Variants in GPR143 observed in about 807,000 individuals in gnomAD.
The protein encoded by GPR143 is G-protein coupled receptor 143.
A neutral mutation model predicts 27.6 loss-of-function variants in GPR143; 8 were observed. The ratio of observed to expected loss-of-function variants is 0.29; its 90% CI spans 0.17 to 0.52. The LOEUF is 0.52. GPR143 is among the 20% of genes least tolerant of loss of function. The pLI, the probability that GPR143 is intolerant of heterozygous loss-of-function variation, is 0.96. For missense variants in GPR143, 303 were observed against 343.1 expected (o/e 0.88, Z 0.92); for synonymous variants, 156 against 153.2 (o/e 1.02, Z -0.13).
intron 1 of GPR143, among the ~76,000 whole-genome samples, chrX:9,773,566 CT>C (rs2083561947): frequency 9.0e-6 from 1 of 111,385 alleles, no homozygotes; most frequent in Non-Finnish European, 1.9e-5. Context: ...ACAAAATTGA[CT>C]CTTCATTGAA....
chrX:9,754,930 C>T lies in GPR143; in HGVS notation c.455+4402G>A, dbSNP rs2083467081. On this transcript the variant is annotated intron_variant, in intron 3 of 8. Coordinates refer to ENST00000467482, the MANE Select transcript of GPR143 (RefSeq NM_000273.3). ...AGTTGTGTCAGACCTCCGACCTCTC[C>T]AACACTGAGGGATGCTCAGAGACAT... Among the ~76,000 whole-genome samples the T allele has an allele frequency of 3.6e-5, 4 of 112,026 alleles. No individual in the cohort carries two copies. In the South Asian group the frequency reaches 1.5e-3, roughly 42 times the overall value.
Position 9,731,797 on chromosome X carries a change from T to TG in GPR143, c.1121-5958dup, listed in dbSNP as rs375275363. Among the ~76,000 whole-genome samples the TG allele has an allele frequency of 5.5e-3, 376 of 68,833 alleles. 1 individual carries two copies. The highest frequency in any genetic ancestry group is 0.013 in the South Asian group (12 of 902). 59.8% of individuals were successfully genotyped at this position (68,833 alleles called of 115,157 possible). On this transcript the variant is annotated intron_variant, in intron 8 of 8. Transcript: ENST00000467482. ...GGGAATTGTGGGCAATATAAGGAAT[T>TG]GGGGGGGGGGGGAAGGAATTGTGGA...
chrX:9,759,981 C>T (rs1177030847), intron 2 of GPR143, among the ~76,000 whole-genome samples: 1 of 112,493 alleles, frequency 8.9e-6, no homozygotes, highest in African/African-American at 3.2e-5. Context: ...TCAAATCACT[C>T]ACCTGAGCAC....
At chrX:9,745,243 G>A (rs113851778) in intron 5 of GPR143, among the ~76,000 whole-genome samples, 2,635 of 113,080 alleles carry the variant, frequency 0.023, 81 homozygotes, top group African/African-American at 0.079. Flanking sequence ...GTGACAGAGC[G>A]AGACTCCGTC....
intron 5 of GPR143, 87 bp downstream of exon 5, chrX:9,745,957 T>G: frequency 1.7e-6 from 1 of 593,712 alleles, no homozygotes; most frequent in South Asian, 2.2e-5. Flanking sequence ...CCTGGAGAAT[T>G]CCAGGACAAC....
At chrX:9,728,182 A>C (rs1291403273) in intron 8 of GPR143, among the ~76,000 whole-genome samples, 1 of 111,226 alleles carries the variant, frequency 9.0e-6, no homozygotes, top group Non-Finnish European at 1.9e-5. Context: ...CTTGGTCACC[A>C]TAGTGTACCT....
chrX:9,742,898 G>A (rs1260768600), intron 6 of GPR143, among the ~76,000 whole-genome samples: 1 of 111,461 alleles, frequency 9.0e-6, no homozygotes, highest in Non-Finnish European at 1.9e-5. Flanking sequence ...CTTGAGGTCA[G>A]GAGTTTGAGA....
intron 3 of GPR143, among the ~76,000 whole-genome samples, chrX:9,754,365 G>C (rs182693560): frequency 7.2e-5 from 8 of 111,741 alleles, no homozygotes; most frequent in African/African-American, 2.6e-4. Context: ...GGCTGGGAGC[G>C]GGTGAGGGTT....
rs759639368 is a variant in GPR143, at chrX:9,739,699, C to T, written c.906G>A (p.Gln302=). ...WFIMGILNPA[Q]GFLLSLAFYG... ...AGAAGGCCAAAGACAAGAGAAATCC[C>T]TGGGCTGGATTCAGGATTCCCTGGA... Residue 302 remains glutamine (Q), a synonymous_variant, in exon 8 of 9, where the codon CAG becomes CAA. Transcript: ENST00000467482. The T allele has an allele frequency of 1.7e-6, 2 of 1,172,560 alleles. No homozygotes were observed. Among genetic ancestry groups the T allele is most frequent in the Non-Finnish European group, 1.1e-6 (1 of 870,524 alleles).
chrX:9,729,956 T>C (rs1160132640), intron 8 of GPR143, among the ~76,000 whole-genome samples: 2 of 112,481 alleles, frequency 1.8e-5, no homozygotes, highest in African/African-American at 6.5e-5. Context: ...ATACTGCATT[T>C]TTACTGTCCC....
intron 1 of GPR143, among the ~76,000 whole-genome samples, chrX:9,762,640 C>T (rs746811425): frequency 8.0e-5 from 9 of 111,837 alleles, no homozygotes; most frequent in Non-Finnish European, 1.3e-4. Context: ...ATGTAATACA[C>T]TACTAAACGA....
intron 7 of GPR143, among the ~76,000 whole-genome samples, chrX:9,740,079 G>A (rs924123732): frequency 9.0e-6 from 1 of 110,989 alleles, no homozygotes; most frequent in Non-Finnish European, 1.9e-5. Context: ...AGGAGAAGAG[G>A]GCAGCAGTGG....
intron 1 of GPR143, among the ~76,000 whole-genome samples, chrX:9,764,061 C>T (rs2083515264): frequency 8.9e-6 from 1 of 112,079 alleles, no homozygotes; most frequent in African/African-American, 3.2e-5. Flanking sequence ...TAACACTTTA[C>T]GATGCCAAGG....
chrX:9,754,614 A>G (rs2083465774), intron 3 of GPR143, among the ~76,000 whole-genome samples: 1 of 111,126 alleles, frequency 9.0e-6, no homozygotes, highest in African/African-American at 3.3e-5. Context: ...TGGTCCCAAC[A>G]TCCTGCCTTC....
rs764180282 is a variant in GPR143, at chrX:9,748,646, A to G, written c.476T>C (p.Ile159Thr). 5.8e-6 allele frequency: 7 copies of G among 1,201,252 alleles called. No homozygotes were observed. The highest frequency in any genetic ancestry group is 7.9e-6 in the Non-Finnish European group (7 of 886,995). ...AGLSTILLYH[I>T]MAWGLATLLC... ...CAGGGTGGCCAGGCCCCACGCCATG[A>G]TGTGATACAGCAGGATGGTGCTAGG... The change falls in exon 4 of 9, where the codon ATC (isoleucine) becomes ACC (threonine). Residue 159 changes from isoleucine to threonine, a missense_variant. Transcript: ENST00000467482.
chrX:9,735,506 CA>C (rs1020294264), intron 8 of GPR143, among the ~76,000 whole-genome samples: 1 of 111,109 alleles, frequency 9.0e-6, no homozygotes, highest in African/African-American at 3.3e-5. Context: ...ACCAGTGTTC[CA>C]AAACCAACTT....
At chrX:9,733,590 G>A (rs1818549172) in intron 8 of GPR143, among the ~76,000 whole-genome samples, 1 of 111,597 alleles carries the variant, frequency 9.0e-6, no homozygotes, top group Non-Finnish European at 1.9e-5. Context: ...GATTGGGATT[G>A]TGGGGGACTC....
At chrX:9,765,116 G>C (rs57576405) in intron 1 of GPR143, among the ~76,000 whole-genome samples, 5 of 111,977 alleles carry the variant, frequency 4.5e-5, no homozygotes, top group Non-Finnish European at 7.5e-5. Context: ...GTGTTAAGAC[G>C]GCCAGCCCAA....
intron 1 of GPR143, among the ~76,000 whole-genome samples, chrX:9,761,327 C>A (rs904619576): frequency 1.8e-5 from 2 of 112,376 alleles, no homozygotes; most frequent in Non-Finnish European, 3.8e-5. Context: ...CTCCTGACCT[C>A]AAGTGATCTG....
Sources: gnomAD v4.1 joint callset for allele counts (sites outside exome capture counted in the v4.1 genomes callset) on GRCh38, gnomAD v4.1.1 for gene constraint, MANE v1.5 for transcripts, NCBI Gene and HGNC (gene_info 2026-07-23, HGNC 2026-07-21) for gene names.